The following TMPRSS15 variants were observed in gnomAD, a reference collection of about 807,000 sequenced individuals.
TMPRSS15 encodes transmembrane serine protease 15.
Under a neutral mutation model 125.3 loss-of-function variants are expected in TMPRSS15, and 128 were observed. That is an observed-to-expected ratio of 1.02 (90% CI 0.89 to 1.18). TMPRSS15 has a LOEUF of 1.18. Ranked by LOEUF, TMPRSS15 falls within the 50% of genes most tolerant of loss-of-function variation. TMPRSS15 has a pLI of 0.00. For synonymous variants in TMPRSS15, 446 were observed against 423.2 expected, an observed-to-expected ratio of 1.05 and a Z score of -0.66; for missense variants, 1,283 against 1,212.7, an observed-to-expected ratio of 1.06 and a Z score of -0.86.
intron 18 of TMPRSS15, among the ~76,000 whole-genome samples, chr21:18,311,980 G>T (rs2075105377): frequency 6.6e-6 from 1 of 152,068 alleles, no homozygotes; most frequent in Non-Finnish European, 1.5e-5. Flanking sequence ...ACAAGGATTA[G>T]CCTAGAGTTT....
At chr21:18,305,183 C>CTTTTTTTTTTTTTTTTTTTTT (rs59103494) in intron 18 of TMPRSS15, among the ~76,000 whole-genome samples, 1 of 86,052 alleles carries the variant, frequency 1.2e-5, no homozygotes, top group African/African-American at 4.4e-5. Context: ...AATTTCCGTA[C>CTTTTTTTTTTTTTTTTTTTTT]TTTTTTTTTT....
chr21:18,383,038 T>C (rs996454319), intron 4 of TMPRSS15, among the ~76,000 whole-genome samples: 2 of 152,164 alleles, frequency 1.3e-5, no homozygotes, highest in Non-Finnish European at 2.9e-5. Context: ...TTTTTCTTCT[T>C]TTTTTAGCTC....
At chr21:18,308,090 C>T (rs1265640478) in intron 18 of TMPRSS15, among the ~76,000 whole-genome samples, 1 of 152,182 alleles carries the variant, frequency 6.6e-6, no homozygotes, top group African/African-American at 2.4e-5. Context: ...TGAGTCTATA[C>T]AGCAGCTCCT....
intron 10 of TMPRSS15, among the ~76,000 whole-genome samples, chr21:18,350,260 G>C (rs565206317): frequency 1.3e-5 from 2 of 152,244 alleles, no homozygotes; most frequent in Admixed American, 1.3e-4. Context: ...TTATGTATGA[G>C]AGTATTCATG....
At chr21:18,281,766 G>A (rs1432680758) in intron 21 of TMPRSS15, among the ~76,000 whole-genome samples, 1 of 152,078 alleles carries the variant, frequency 6.6e-6, no homozygotes, top group African/African-American at 2.4e-5. Context: ...AAGTTCAGAT[G>A]CATTTCCCAT....
intron 16 of TMPRSS15, among the ~76,000 whole-genome samples, chr21:18,325,947 T>C (rs985824): frequency 0.65 from 98,500 of 151,706 alleles, 32,195 homozygotes; most frequent in African/African-American, 0.71. Context: ...GTTGGGCACG[T>C]CAGCAAATAG....
intron 1 of TMPRSS15, among the ~76,000 whole-genome samples, chr21:18,451,948 T>C (rs573119432): frequency 1.3e-5 from 2 of 152,330 alleles, no homozygotes; most frequent in East Asian, 3.9e-4. Flanking sequence ...TGCAAACTTA[T>C]GCATGCATAA....
At chr21:18,373,842 A>G (rs2075815418) in intron 5 of TMPRSS15, among the ~76,000 whole-genome samples, 1 of 152,144 alleles carries the variant, frequency 6.6e-6, no homozygotes, top group Admixed American at 6.5e-5. Context: ...GACTGATCTC[A>G]TGATTAATCA....
At chr21:18,358,685 T>C (rs1000205784) in intron 8 of TMPRSS15, among the ~76,000 whole-genome samples, 3 of 152,002 alleles carry the variant, frequency 2.0e-5, no homozygotes, top group Non-Finnish European at 4.4e-5. Flanking sequence ...CACTGTGAAC[T>C]TATGGTAATT....
intron 1 of TMPRSS15, among the ~76,000 whole-genome samples, chr21:18,413,911 A>G (rs1364512231): frequency 2.0e-5 from 3 of 152,112 alleles, no homozygotes; most frequent in Non-Finnish European, 2.9e-5. Context: ...TATTTTTTGT[A>G]GAGACAGGCT....
chr21:18,351,595 T>C (rs760021255), intron 10 of TMPRSS15, among the ~76,000 whole-genome samples: 2 of 152,178 alleles, frequency 1.3e-5, no homozygotes, highest in Non-Finnish European at 2.9e-5. Flanking sequence ...GTAAGACGTG[T>C]CTGCTTTGCC....
intron 1 of TMPRSS15, among the ~76,000 whole-genome samples, chr21:18,438,604 A>G (rs757077183): frequency 1.3e-5 from 2 of 152,212 alleles, no homozygotes; most frequent in Admixed American, 1.3e-4. Flanking sequence ...TCATATTTGT[A>G]TGGTGCTTTA....
chr21:18,270,997 A>AAT (rs1454379573), intron 24 of TMPRSS15, among the ~76,000 whole-genome samples: 1 of 152,178 alleles, frequency 6.6e-6, no homozygotes, highest in African/African-American at 2.4e-5. Context: ...CGATGCTAGA[A>AAT]ATTATCCTGA....
intron 1 of TMPRSS15, among the ~76,000 whole-genome samples, chr21:18,481,835 A>G (rs1978987505): frequency 6.6e-6 from 1 of 151,756 alleles, no homozygotes; most frequent in African/African-American, 2.4e-5. Context: ...AAGTTTTACA[A>G]CCACAAGTCA....
Position 18,434,399 on chromosome 21 carries a change from G to A in TMPRSS15, c.11-36070C>T, listed in dbSNP as rs147930026. 6.8e-3 allele frequency among the ~76,000 whole-genome samples: 1,037 copies of A among 152,102 alleles called. 12 individuals are homozygous for A. The highest frequency in any genetic ancestry group is 0.013 in the Admixed American group (194 of 15,280). On this transcript the variant is annotated intron_variant, in intron 1 of 7. Transcript: ENST00000422787. ...ATGTATTATATATCTTAGAATCAGA[G>A]AGCTAAATATTCCATTTTTTGTGTC...
intron 1 of TMPRSS15, among the ~76,000 whole-genome samples, chr21:18,451,369 A>T (rs929904201): frequency 2.8e-4 from 43 of 152,314 alleles, no homozygotes; most frequent in African/African-American, 7.2e-4. Flanking sequence ...TGAATTGATC[A>T]TAGATTTGTC....
intron 16 of TMPRSS15, among the ~76,000 whole-genome samples, chr21:18,322,044 C>A (rs978865810): frequency 1.3e-5 from 2 of 152,130 alleles, no homozygotes; most frequent in African/African-American, 4.8e-5. Context: ...TAGCTATAGG[C>A]AAAAGAAATC....
rs1373538124 is a variant in TMPRSS15, at chr21:18,270,144, A to G, written c.2905-20T>C. The G allele has an allele frequency of 6.8e-6, 11 of 1,611,588 alleles. No homozygotes were observed. The highest frequency in any genetic ancestry group is 9.3e-6 in the Non-Finnish European group (11 of 1,177,928). On this transcript the variant is annotated intron_variant, in intron 24 of 24. Coordinates refer to ENST00000284885, the MANE Select transcript of TMPRSS15 (RefSeq NM_002772.3). ...ATCCCCCTAAAGAGTGAATTGCAAA[A>G]CAAAATTGTAGATATGTGGTCAATT...
At chr21:18,473,557 G>A (rs978095811) in intron 1 of TMPRSS15, among the ~76,000 whole-genome samples, 1 of 151,886 alleles carries the variant, frequency 6.6e-6, no homozygotes, top group African/African-American at 2.4e-5. Context: ...CCCATTATAA[G>A]TTGATGTGTG....
Sources: gnomAD v4.1 joint callset for allele counts (sites outside exome capture counted in the v4.1 genomes callset) on GRCh38, gnomAD v4.1.1 for gene constraint, MANE v1.5 for transcripts, NCBI Gene and HGNC (gene_info 2026-07-23, HGNC 2026-07-21) for gene names.